INSC: variants seen among roughly 807,000 people sequenced by gnomAD.
INSC encodes protein inscuteable homolog.
INSC carries 67 observed loss-of-function variants against 58.6 expected under a neutral mutation model. The ratio of observed to expected loss-of-function variants is 1.14; its 90% CI spans 0.94 to 1.40. INSC has a LOEUF of 1.40. INSC is among the 40% of genes most tolerant of loss of function. The pLI, the probability that INSC is intolerant of heterozygous loss-of-function variation, is 0.00. For missense variants in INSC, 714 were observed against 692.0 expected (o/e 1.03, Z -0.36); for synonymous variants, 262 against 276.1 (o/e 0.95, Z 0.51).
chr11:15,224,728 T>G (rs1252316087), intron 8 of INSC, among the ~76,000 whole-genome samples: 1 of 152,162 alleles, frequency 6.6e-6, no homozygotes, highest in Non-Finnish European at 1.5e-5. Context: ...CCATTCCAGA[T>G]TCTGTGGAGC....
the INSC span, among the ~76,000 whole-genome samples, chr11:15,266,066 G>C: frequency 6.6e-6 from 1 of 151,714 alleles, no homozygotes; most frequent in Admixed American, 6.6e-5. Context: ...ATGATTTCCA[G>C]GAATAGGGGA....
chr11:15,265,783 C>T, the INSC span, among the ~76,000 whole-genome samples: 4 of 143,756 alleles, frequency 2.8e-5, no homozygotes, highest in South Asian at 2.2e-4. Context: ...CTTTATTTTT[C>T]GGTATGGTAG....
chr11:15,124,995 T>C (rs1047296688), intron 1 of INSC, among the ~76,000 whole-genome samples: 4 of 152,074 alleles, frequency 2.6e-5, no homozygotes, highest in Non-Finnish European at 5.9e-5. Context: ...CTTAGAGGAT[T>C]TGGTTTGGGA....
intron 3 of INSC, among the ~76,000 whole-genome samples, chr11:15,176,722 T>C (rs1355753604): frequency 6.6e-6 from 1 of 152,166 alleles, no homozygotes; most frequent in Admixed American, 6.5e-5. Flanking sequence ...AGGTGAACCA[T>C]TAAAAATCTC....
intron 8 of INSC, among the ~76,000 whole-genome samples, chr11:15,224,191 C>T (rs1446918994): frequency 6.6e-6 from 1 of 152,174 alleles, no homozygotes; most frequent in Admixed American, 6.5e-5. Flanking sequence ...AAAATATGTA[C>T]AGCAGTGAGT....
chr11:15,199,259 T>C (rs1850486392), intron 6 of INSC, among the ~76,000 whole-genome samples: 1 of 152,078 alleles, frequency 6.6e-6, no homozygotes, highest in East Asian at 1.9e-4. Flanking sequence ...CCAAAAGAAA[T>C]GAGGGGAATT....
At chr11:15,181,257 A>G (rs1849766646) in intron 5 of INSC, among the ~76,000 whole-genome samples, 1 of 152,236 alleles carries the variant, frequency 6.6e-6, no homozygotes. Context: ...AATGTTAAGC[A>G]ACATATTCCA....
chr11:15,214,441 A>T (rs187827815), intron 7 of INSC, among the ~76,000 whole-genome samples: 6 of 152,360 alleles, frequency 3.9e-5, no homozygotes, highest in Admixed American at 3.9e-4. Context: ...ACATAAAACA[A>T]AAACAAAAAC....
intron 2 of INSC, among the ~76,000 whole-genome samples, chr11:15,156,763 G>T (rs1360301030): frequency 6.6e-6 from 1 of 152,190 alleles, no homozygotes. Flanking sequence ...GTACATCGAA[G>T]ATGCACTATA....
rs1332427811 is a variant in INSC at position 15,178,450 on chromosome 11, C to A, written c.579+3C>A. The A allele has an allele frequency of 1.9e-6, 3 of 1,608,966 alleles. No homozygotes were observed. Reference sequence around the variant, plus strand: ...TGGCCCTGACACGGGAGGTTCAGGTCAGTGCAGGCTGGGCTGCAGGGAGGG... The same window carrying A: ...TGGCCCTGACACGGGAGGTTCAGGTAAGTGCAGGCTGGGCTGCAGGGAGGG... On this transcript the variant is annotated splice_donor_region_variant and intron_variant, in intron 5 of 12. Coordinates refer to ENST00000379556, the MANE Select transcript of INSC (RefSeq NM_001042536.3).
chr11:15,239,200 GGGCTCAGGGGTGGA>G (rs1441841162), intron 11 of INSC, 126 bp downstream of exon 11: 7 of 1,186,322 alleles, frequency 5.9e-6, no homozygotes, highest in East Asian at 2.6e-5. Context: ...CTGTCTCTGG[GGGCTCAGGGGTGGA>G]GGCTCAGGGG....
Position 15,198,536 on chromosome 11 carries a change from A to G in INSC, c.694-2288A>G, listed in dbSNP as rs566090621. 1.2e-4 allele frequency among the ~76,000 whole-genome samples: 19 copies of G among 152,200 alleles called. No individual in the cohort carries two copies. The Middle Eastern group carries it at 0.014, about 109-fold the overall frequency. ...GCGTGTTCGTTGGCACTGTTTCTTC[A>G]TTGTCTGCTTCAGATGTAAATGTCT... On this transcript the variant is annotated intron_variant, in intron 6 of 12. Transcript: ENST00000379556.
intron 7 of INSC, among the ~76,000 whole-genome samples, chr11:15,213,913 A>G (rs1220733431): frequency 2.6e-5 from 4 of 152,312 alleles, no homozygotes; most frequent in South Asian, 2.1e-4. Context: ...GCAGCTTTCT[A>G]TGGAGCTCTC....
At chr11:15,221,401 G>A in intron 7 of INSC, 76 bp from the exon 8 acceptor site, 1 of 1,503,652 alleles carries the variant, frequency 6.7e-7, no homozygotes, top group Non-Finnish European at 9.0e-7. Context: ...GGCTGAATCT[G>A]TATCTGTCTC....
chr11:15,165,153 C>G (rs945798135), intron 2 of INSC, among the ~76,000 whole-genome samples: 12 of 152,138 alleles, frequency 7.9e-5, no homozygotes, highest in African/African-American at 2.9e-4. Context: ...AAATATCATC[C>G]ATGGGGTAGG....
intron 9 of INSC, among the ~76,000 whole-genome samples, chr11:15,229,864 C>A (rs1427862976): frequency 1.4e-5 from 2 of 143,380 alleles, no homozygotes; most frequent in East Asian, 2.0e-4. Context: ...TCAAGACCAG[C>A]CTGGGCAACG....
rs576363011 is a variant in INSC at position 15,230,403 on chromosome 11, G to A, written c.1170+4575G>A. Among the ~76,000 whole-genome samples, 61 of 151,742 alleles carry A rather than the reference G, an allele frequency of 4.0e-4. 1 individual carries two copies. Among genetic ancestry groups the A allele is most frequent in the Admixed American group, 3.0e-3 (45 of 15,236 alleles). ...AGCAGGAGCAAGAGAGAGTGAAGGG[G>A]GAGGTGCTTCACCCTTTTCAACAAG... On this transcript the variant is annotated intron_variant, in intron 9 of 12. Transcript: ENST00000379556.
At chr11:15,117,689 A>G (rs1042213940) in intron 1 of INSC, among the ~76,000 whole-genome samples, 2 of 152,166 alleles carry the variant, frequency 1.3e-5, no homozygotes, top group African/African-American at 4.8e-5. Flanking sequence ...TAAGCATTCT[A>G]TTGGTCTCTG....
At chr11:15,242,926 C>T (rs1281562508) in intron 12 of INSC, among the ~76,000 whole-genome samples, 1 of 152,162 alleles carries the variant, frequency 6.6e-6, no homozygotes, top group African/African-American at 2.4e-5. Context: ...TCAACCAGAC[C>T]ATCTTGTTCC....
Sources: gnomAD v4.1 joint callset for allele counts (sites outside exome capture counted in the v4.1 genomes callset) on GRCh38, gnomAD v4.1.1 for gene constraint, MANE v1.5 for transcripts, NCBI Gene and HGNC (gene_info 2026-07-23, HGNC 2026-07-21) for gene names.